Variants in WDR37 observed in about 807,000 individuals in gnomAD.
WDR37 encodes WD repeat-containing protein 37.
Under a neutral mutation model 62.9 loss-of-function variants are expected in WDR37, and 19 were observed. The observed-to-expected ratio is 0.30, with a 90% CI of 0.21 to 0.44. WDR37 has a LOEUF of 0.44. WDR37 is among the 20% of genes least tolerant of loss of function. The pLI is 1.00. For missense variants in WDR37, 474 were observed against 657.6 expected, an observed-to-expected ratio of 0.72 and a Z score of 3.05; for synonymous variants, 250 against 260.9, an observed-to-expected ratio of 0.96 and a Z score of 0.40.
At chr10:1,120,970 C>T (rs1003233636) in intron 11 of WDR37, among the ~76,000 whole-genome samples, 10 of 152,146 alleles carry the variant, frequency 6.6e-5, no homozygotes, top group African/African-American at 2.4e-4. Flanking sequence ...TGGTGTGCGG[C>T]GAGGAGGTGC....
intron 7 of WDR37, among the ~76,000 whole-genome samples, chr10:1,092,120 C>T (rs1443348663): frequency 1.4e-5 from 2 of 144,462 alleles, no homozygotes; most frequent in African/African-American, 5.2e-5. Flanking sequence ...GCGGAGCTTG[C>T]AGTGAGCTGA....
Position 1,084,659 on chromosome 10 carries a change from A to C in WDR37, c.532+121A>C. 3 of 1,395,490 alleles carry C rather than the reference A, an allele frequency of 2.1e-6. No homozygotes were observed. In the South Asian group the frequency reaches 3.9e-5, roughly 18 times the overall value. 86.4% of individuals were successfully genotyped at this position (1,395,490 alleles called of 1,614,324 possible). A position where few individuals can be genotyped will look rare whatever the true frequency, so the allele number is the denominator to read the frequency against. ...GATGCAAAAGCGTCATGGAGGAGTC[A>C]GTGGAACCCCCCACACATTAACCCT... On this transcript the variant is annotated intron_variant, in intron 6 of 13. Transcript: ENST00000263150.
At chr10:1,128,682 T>C (rs946919380) in intron 13 of WDR37, among the ~76,000 whole-genome samples, 2 of 152,258 alleles carry the variant, frequency 1.3e-5, no homozygotes, top group African/African-American at 4.8e-5. Context: ...ACTGTAATCT[T>C]ACTCATTTTC....
chr10:1,074,454 G>A (rs760842790), intron 2 of WDR37: 43 of 1,304,384 alleles, frequency 3.3e-5, no homozygotes, highest in Non-Finnish European at 2.6e-5. Flanking sequence ...CTCCCTAGAC[G>A]GAGCTCATTT....
rs1833540136 is a variant in WDR37 at position 1,066,280 on chromosome 10, T to C, written c.-40-5836T>C. 2.0e-5 allele frequency among the ~76,000 whole-genome samples: 3 copies of C among 152,254 alleles called. 1 individual carries two copies. In the South Asian group the frequency reaches 6.2e-4, roughly 32 times the overall value. Reference sequence around the variant, plus strand: ...ACAGGTGCCTGCCACCACGCCCTGCTAATTTTTTGTATTTTTTAGTAGAGA... The same window carrying C: ...ACAGGTGCCTGCCACCACGCCCTGCCAATTTTTTGTATTTTTTAGTAGAGA... On this transcript the variant is annotated intron_variant, in intron 1 of 13. Coordinates refer to ENST00000263150, the MANE Select transcript of WDR37 (RefSeq NM_014023.4).
rs1263517286 is a variant in WDR37 at position 1,105,328 on chromosome 10, G to A, written c.1103+61G>A. 1.2e-5 allele frequency: 19 copies of A among 1,550,858 alleles called. No individual in the cohort carries two copies. The highest frequency in any genetic ancestry group is 3.4e-4 in the Middle Eastern group (2 of 5,904). On this transcript the variant is annotated intron_variant, in intron 11 of 13. Transcript: ENST00000263150. The surrounding 1 kb of genome is among the most constrained non-coding windows in gnomAD (Gnocchi z 5.3). ...ATGAAAAAGTTCTGTGGGTTGACAT[G>A]AAAACTTAATTCTAGCCTTAATTTT...
intron 9 of WDR37, among the ~76,000 whole-genome samples, chr10:1,097,179 T>C (rs752139443): frequency 1.1e-4 from 16 of 152,168 alleles, no homozygotes; most frequent in Admixed American, 3.3e-4. Flanking sequence ...CTTGTAAGAT[T>C]TGGGAAATTC....
intron 11 of WDR37, 114 bp from the exon 12 acceptor site, chr10:1,124,104 T>G: frequency 2.2e-5 from 31 of 1,425,658 alleles, no homozygotes; most frequent in Non-Finnish European, 2.7e-5. Flanking sequence ...GAGAGAGCTG[T>G]GAGTTTGCGC....
intron 1 of WDR37, among the ~76,000 whole-genome samples, chr10:1,068,864 A>G (rs1833635521): frequency 6.6e-6 from 1 of 152,232 alleles, no homozygotes; most frequent in South Asian, 2.1e-4. Flanking sequence ...AATAAAAGGG[A>G]ATACATTACC....
chr10:1,128,837 G>C (rs1275660832), intron 13 of WDR37, among the ~76,000 whole-genome samples: 2 of 150,502 alleles, frequency 1.3e-5, no homozygotes, highest in Non-Finnish European at 2.9e-5. Context: ...GTCCATGCTC[G>C]GTGGTCCTGC....
At chr10:1,126,372 C>G (rs574657032) in intron 13 of WDR37, among the ~76,000 whole-genome samples, 125 of 149,694 alleles carry the variant, frequency 8.4e-4, no homozygotes, top group Middle Eastern at 7.1e-3. Context: ...CGCCACTGCA[C>G]TCCAGCCTGG....
intron 7 of WDR37, among the ~76,000 whole-genome samples, chr10:1,086,917 G>A (rs1482716576): frequency 6.6e-6 from 1 of 152,210 alleles, no homozygotes; most frequent in Admixed American, 6.5e-5. Context: ...CGCACGTGCT[G>A]TGTGGTTCCT....
chr10:1,117,194 A>G (rs973144901), intron 11 of WDR37, among the ~76,000 whole-genome samples: 1 of 152,056 alleles, frequency 6.6e-6, no homozygotes, highest in South Asian at 2.1e-4. Flanking sequence ...AGCAGGGACT[A>G]CAGGGCTGTG....
At chr10:1,127,824 C>T (rs930540734) in intron 13 of WDR37, among the ~76,000 whole-genome samples, 15 of 152,078 alleles carry the variant, frequency 9.9e-5, no homozygotes, top group African/African-American at 3.6e-4. Context: ...CGGCATGGGG[C>T]GTCTTCCGGG....
chr10:1,103,772 C>G lies in WDR37; in HGVS notation c.897C>G (p.Ala299=). ...TTGGGGGGAAGCAGGCTGTGACTGC[C>G]TCCTGGGACCGGACGGCAAACCTGT... ...WLVGGKQAVT[A]SWDRTANLYD... is the part of the protein sequence containing the mutation. The change falls in exon 10 of 14, where the codon GCC becomes GCG. Residue 299 remains alanine, a synonymous_variant. Coordinates refer to ENST00000263150, the MANE Select transcript of WDR37 (RefSeq NM_014023.4). The surrounding 1 kb of genome is among the most constrained non-coding windows in gnomAD (Gnocchi z 6.3). 6.2e-7 allele frequency: 1 copy of G among 1,614,252 alleles called. No homozygotes were observed. Among genetic ancestry groups the G allele is most frequent in the Non-Finnish European group, 8.5e-7 (1 of 1,180,052 alleles).
At chr10:1,057,562 C>T (rs1287112152) in intron 1 of WDR37, among the ~76,000 whole-genome samples, 2 of 152,082 alleles carry the variant, frequency 1.3e-5, no homozygotes, top group East Asian at 1.9e-4. Context: ...TTGAAGACTT[C>T]CTTTTCCTTC....
At chr10:1,094,250 A>C (rs941230015) in intron 8 of WDR37, among the ~76,000 whole-genome samples, 1 of 152,224 alleles carries the variant, frequency 6.6e-6, no homozygotes, top group African/African-American at 2.4e-5. Flanking sequence ...CGGACAGTGC[A>C]CTGATGAGTG....
rs1004991996 is a variant in WDR37 at position 1,111,905 on chromosome 10, C to CT, written c.1103+6650dup. Among the ~76,000 whole-genome samples the CT allele has an allele frequency of 9.8e-3, 1,342 of 136,764 alleles. 24 individuals carry two copies. Among genetic ancestry groups the CT allele is most frequent in the African/African-American group, 0.029 (1,136 of 39,356 alleles). The allele number at this position is 136,764 out of a possible 152,430, so 89.7% of individuals were successfully genotyped here. A position where few individuals can be genotyped will look rare whatever the true frequency, so the allele number is the denominator to read the frequency against. On this transcript the variant is annotated intron_variant, in intron 11 of 13. Coordinates refer to ENST00000263150, the MANE Select transcript of WDR37 (RefSeq NM_014023.4). ...TGTTGGTGGCTATTTCTCTCTCTCT[C>CT]TTTTTTTTTTTTGTGAGACGGAGTC...
chr10:1,104,025 C>T (rs1025785420), intron 10 of WDR37, among the ~76,000 whole-genome samples, 189 bp downstream of exon 10: 1 of 152,208 alleles, frequency 6.6e-6, no homozygotes, highest in African/African-American at 2.4e-5. Flanking sequence ...ATTTTGTCTT[C>T]AGGGGTTTTA....
Sources: gnomAD v4.1 joint callset for allele counts (sites outside exome capture counted in the v4.1 genomes callset) on GRCh38, gnomAD v4.1.1 for gene constraint, Gnocchi (gnomAD v3.1) non-coding constraint, MANE v1.5 for transcripts, NCBI Gene and HGNC (gene_info 2026-07-23, HGNC 2026-07-21) for gene names.